Variants in DNAH6 observed in about 807,000 individuals in gnomAD.
The protein encoded by DNAH6 is axonemal beta dynein heavy chain 6.
Under a neutral mutation model 491.4 loss-of-function variants are expected in DNAH6, and 340 were observed. The observed-to-expected ratio is 0.69, with a 90% CI of 0.63 to 0.76. The LOEUF (loss-of-function observed/expected upper bound fraction) is 0.76, where lower values mean the gene tolerates loss of function less well. Ranked by LOEUF, DNAH6 falls within the 30% of genes least tolerant of loss-of-function variation. The probability of loss-of-function intolerance (pLI) is 0.00; values close to 1 mark genes in which losing one functional copy is unlikely to be tolerated. For missense variants in DNAH6, 4,443 were observed against 4,972.2 expected (o/e 0.89, Z 3.20); for synonymous variants, 1,603 against 1,686.1 (o/e 0.95, Z 1.21).
chr2:84,485,321 G>A, the DNAH6 span, among the ~76,000 whole-genome samples: 1 of 152,230 alleles, frequency 6.6e-6, no homozygotes, highest in Admixed American at 6.5e-5. Context: ...ACACAGCATG[G>A]AAGTGGGGCA....
At chr2:84,811,200 G>A (rs1679933462) in intron 72 of DNAH6, among the ~76,000 whole-genome samples, 2 of 152,236 alleles carry the variant, frequency 1.3e-5, no homozygotes, top group African/African-American at 2.4e-5. Flanking sequence ...GGAAGGACAC[G>A]TAGCCTTGTT....
At chr2:84,806,618 CAAAAA>C (rs1162301447) in intron 71 of DNAH6, among the ~76,000 whole-genome samples, 1 of 38,504 alleles carries the variant, frequency 2.6e-5, no homozygotes, top group Non-Finnish European at 5.3e-5. Flanking sequence ...GACTCAGTCT[CAAAAA>C]AAAAAAAAAA....
At position 84,811,045 on chromosome 2, in the gene DNAH6, A is replaced by G. The variant is rs562882229; in HGVS notation, c.11740-1296A>G. 6.6e-5 allele frequency among the ~76,000 whole-genome samples: 10 copies of G among 152,306 alleles called. No homozygotes were observed. In the South Asian group the frequency reaches 1.9e-3, roughly 28 times the overall value. On this transcript the variant is annotated intron_variant, in intron 72 of 76. Transcript: ENST00000389394. ...ATGGAGGATGGTCTTGGCTCTGGCT[A>G]AGGGCCTCTTTCCTGCACTCTGCTG...
chr2:84,468,336 G>A, the DNAH6 span, among the ~76,000 whole-genome samples: 1 of 152,126 alleles, frequency 6.6e-6, no homozygotes, highest in Non-Finnish European at 1.5e-5. Flanking sequence ...TTTCTTAATT[G>A]GATTACTAGC....
At chr2:84,742,466 G>A (rs1369338894) in intron 62 of DNAH6, among the ~76,000 whole-genome samples, 5 of 152,166 alleles carry the variant, frequency 3.3e-5, no homozygotes, top group Admixed American at 1.3e-4. Flanking sequence ...CACAACTGGG[G>A]TGGTGCTACT....
the DNAH6 span, among the ~76,000 whole-genome samples, chr2:84,511,131 G>C: frequency 1.3e-5 from 2 of 152,204 alleles, no homozygotes; most frequent in Non-Finnish European, 2.9e-5. Flanking sequence ...GTCTGCAGAG[G>C]ATTCTGCTGC....
At chr2:84,505,457 G>A in the DNAH6 span, among the ~76,000 whole-genome samples, 1 of 152,136 alleles carries the variant, frequency 6.6e-6, no homozygotes, top group Non-Finnish European at 1.5e-5. Context: ...CAGGCTTTCA[G>A]CATGGAGTAT....
chr2:84,589,369 T>C (rs1291849748), intron 16 of DNAH6, among the ~76,000 whole-genome samples: 1 of 152,146 alleles, frequency 6.6e-6, no homozygotes, highest in East Asian at 1.9e-4. Context: ...TGTGCCAATT[T>C]GATAAAAATG....
intron 11 of DNAH6, among the ~76,000 whole-genome samples, chr2:84,565,343 G>C (rs1024390055): frequency 1.3e-5 from 2 of 149,630 alleles, no homozygotes; most frequent in Admixed American, 6.7e-5. Flanking sequence ...TTTTTTTGTA[G>C]TTTTTTTATA....
the DNAH6 span, among the ~76,000 whole-genome samples, chr2:84,487,950 G>T: frequency 6.6e-6 from 1 of 152,092 alleles, no homozygotes; most frequent in African/African-American, 2.4e-5. Flanking sequence ...GACACAGTGG[G>T]ATATTTGTAC....
chr2:84,464,473 T>C, the DNAH6 span, among the ~76,000 whole-genome samples: 3 of 152,268 alleles, frequency 2.0e-5, no homozygotes, highest in Admixed American at 2.0e-4. Context: ...CAAGAAAGAA[T>C]TCAGGGCAAG....
chr2:84,607,726 A>G (rs1685911313), intron 21 of DNAH6, among the ~76,000 whole-genome samples: 1 of 152,164 alleles, frequency 6.6e-6, no homozygotes, highest in Admixed American at 6.6e-5. Context: ...ATTGCTAACT[A>G]TTATCTGAGC....
chr2:84,808,476 G>C lies in DNAH6; in HGVS notation c.11673G>C (p.Leu3891=). 1 of 1,550,840 alleles carries C rather than the reference G, an allele frequency of 6.4e-7. No homozygotes were observed. Among genetic ancestry groups the C allele is most frequent in the Non-Finnish European group, 8.7e-7 (1 of 1,146,776 alleles). ...SLFVKDLQGR[L]NSLTTVLGQE... is the part of the protein sequence containing the mutation. Reference sequence around the variant, plus strand: ...TTGTCAAGGATCTTCAAGGACGTCTGAACTCCTTGACCACCGTTCTTGGAC... The same window carrying C: ...TTGTCAAGGATCTTCAAGGACGTCTCAACTCCTTGACCACCGTTCTTGGAC... The change falls in exon 72 of 77, where the codon CTG becomes CTC. Residue 3891 remains leucine, a synonymous_variant. Transcript: ENST00000389394.
intron 33 of DNAH6, among the ~76,000 whole-genome samples, chr2:84,642,898 G>T (rs1243519575): frequency 6.6e-6 from 1 of 152,008 alleles, no homozygotes; most frequent in East Asian, 1.9e-4. Context: ...ACAAACTGTT[G>T]TCTGTTAGAT....
At chr2:84,571,861 C>G (rs1681926521) in intron 11 of DNAH6, among the ~76,000 whole-genome samples, 1 of 151,544 alleles carries the variant, frequency 6.6e-6, no homozygotes. Context: ...GAGGTTGCAG[C>G]AAGCCGAGAT....
chr2:84,677,166 G>A (rs1471096730), intron 41 of DNAH6, 30 bp downstream of exon 41: 1 of 1,551,338 alleles, frequency 6.4e-7, no homozygotes, highest in South Asian at 1.2e-5. Flanking sequence ...TAGGCAACAG[G>A]AGGAAAAGAA....
At chr2:84,585,855 C>T (rs1191022531) in intron 15 of DNAH6, among the ~76,000 whole-genome samples, 1 of 152,126 alleles carries the variant, frequency 6.6e-6, no homozygotes, top group South Asian at 2.1e-4. Flanking sequence ...ACTGATTGGC[C>T]CATGGGGGAT....
chr2:84,813,018 C>T, intron 73 of DNAH6, 40 bp from the exon 74 acceptor site: 3 of 1,506,616 alleles, frequency 2.0e-6, no homozygotes, highest in Non-Finnish European at 2.7e-6. Flanking sequence ...CAAATTCCAT[C>T]CCAGAAATAA....
chr2:84,639,520 G>A (rs1176768821), intron 31 of DNAH6, among the ~76,000 whole-genome samples: 1 of 149,584 alleles, frequency 6.7e-6, no homozygotes, highest in African/African-American at 2.5e-5. Context: ...CCAGGTTTAA[G>A]CAAGTCTCCT....
Sources: gnomAD v4.1 joint callset for allele counts (sites outside exome capture counted in the v4.1 genomes callset) on GRCh38, gnomAD v4.1.1 for gene constraint, MANE v1.5 for transcripts, NCBI Gene and HGNC (gene_info 2026-07-23, HGNC 2026-07-21) for gene names.